ZNF800: variants seen among roughly 807,000 people sequenced by gnomAD.
The protein encoded by ZNF800 is zinc finger protein 800.
In ZNF800, 13 loss-of-function variants were observed where a neutral mutation model predicts 59.5. The observed-to-expected ratio is 0.22, with a 90% CI of 0.14 to 0.35. The LOEUF (loss-of-function observed/expected upper bound fraction) is 0.35, where lower values mean the gene tolerates loss of function less well. Among genes scored for constraint, ZNF800 ranks in the 10% least tolerant of loss-of-function variants. ZNF800 has a pLI of 1.00. For missense variants in ZNF800, 621 were observed against 783.7 expected, an observed-to-expected ratio of 0.79 and a Z score of 2.48; for synonymous variants, 266 against 265.7, an observed-to-expected ratio of 1.00 and a Z score of -0.01.
At chr7:127,344,497 C>T (rs1800023031), downstream of ZNF800, among the ~76,000 whole-genome samples, 1 of 151,960 alleles carries the variant, frequency 6.6e-6, no homozygotes, top group Non-Finnish European at 1.5e-5. Flanking sequence ...AATAGAATTT[C>T]TTTTGGAATG....
At chr7:127,387,513 G>C (rs752694116) in intron 2 of ZNF800, among the ~76,000 whole-genome samples, 3 of 152,202 alleles carry the variant, frequency 2.0e-5, no homozygotes, top group Non-Finnish European at 4.4e-5. Flanking sequence ...ACACAAACAA[G>C]AGGAATGATG....
chr7:127,386,532 G>C (rs188125443), intron 2 of ZNF800, among the ~76,000 whole-genome samples: 1 of 152,202 alleles, frequency 6.6e-6, no homozygotes, highest in South Asian at 2.1e-4. Context: ...GGCAATGGTG[G>C]CCTAGCCACG....
At chr7:127,378,436 A>C (rs540284171) in intron 3 of ZNF800, among the ~76,000 whole-genome samples, 38 of 152,184 alleles carry the variant, frequency 2.5e-4, no homozygotes, top group African/African-American at 9.1e-4. Context: ...TAAAATGACA[A>C]TATATTGACT....
At chr7:127,351,698 A>G (rs990259351) in intron 1 of ZNF800, among the ~76,000 whole-genome samples, 3 of 152,190 alleles carry the variant, frequency 2.0e-5, no homozygotes, top group African/African-American at 7.2e-5. Flanking sequence ...CTGAAATCCT[A>G]CATTTACCCA....
rs1801359346 is a variant in ZNF800 at position 127,392,288 on chromosome 7, G to C, written c.-287C>G. 2.6e-6 allele frequency: 1 copy of C among 390,424 alleles called. No individual in the cohort carries two copies. The highest frequency in any genetic ancestry group is 3.6e-5 in the East Asian group (1 of 27,512). 24.2% of individuals were successfully genotyped at this position (390,424 alleles called of 1,614,324 possible). ...TCCCTCCGCGGGCCGAGACGACTGC[G>C]GCGGCGGCTCACGGCGTCCTCCGCG... On this transcript the variant is annotated 5_prime_UTR_variant, in exon 1 of 6. Transcript: ENST00000265827.
chr7:127,349,567 A>T (rs945263129), intron 1 of ZNF800, among the ~76,000 whole-genome samples: 2 of 152,208 alleles, frequency 1.3e-5, no homozygotes, highest in African/African-American at 4.8e-5. Flanking sequence ...GCTTAAACAG[A>T]TGACATAAGT....
At chr7:127,354,988 A>C (rs1260621839) in intron 1 of ZNF800, among the ~76,000 whole-genome samples, 2 of 152,126 alleles carry the variant, frequency 1.3e-5, no homozygotes, top group Non-Finnish European at 1.5e-5. Context: ...CACCTTTTTG[A>C]CATATCCAAA....
rs557088479 is a variant in ZNF800, at chr7:127,373,938, T to G, written c.1398A>C (p.Ala466=). Reference sequence around the variant, plus strand: ...GTTTTCTGGTTTTTTGCTGGCCACCTGCAGCCGACGGACTAGTTGATTTAG... The same window carrying G: ...GTTTTCTGGTTTTTTGCTGGCCACCGGCAGCCGACGGACTAGTTGATTTAG... The part of the protein sequence containing the change: ...ESPKSTSPSA[A]GGQQKTRKPK... The change falls in exon 5 of 6, where the codon GCA becomes GCC. Residue 466 remains alanine, a synonymous_variant. Coordinates refer to ENST00000265827, the MANE Select transcript of ZNF800 (RefSeq NM_176814.5). 135 of 1,614,210 alleles carry G rather than the reference T, an allele frequency of 8.4e-5. No individual in the cohort carries two copies. In the African/African-American group the frequency reaches 1.2e-3, roughly 14 times the overall value.
At chr7:127,387,798 T>C (rs1005477756) in intron 2 of ZNF800, among the ~76,000 whole-genome samples, 13 of 151,782 alleles carry the variant, frequency 8.6e-5, no homozygotes, top group Non-Finnish European at 2.9e-5. Flanking sequence ...GAGGCAGAGG[T>C]TGCAGTGAGC....
chr7:127,374,713 T>G lies in ZNF800; in HGVS notation c.623A>C (p.Asp208Ala). Residue 208 changes from aspartate (D) to alanine (A), a missense_variant, in exon 5 of 6, where the codon GAT becomes GCT. Physicochemically the swap from Asp to Ala is moderately radical, Grantham distance 126 (BLOSUM62 -2). This residue lies in a region of ZNF800 where 218 missense variants were observed against 230.8 expected (regional missense o/e 0.94). Transcript: ENST00000265827. ...AGCCTGCGACTCCTGAGGTTGTTCA[T>G]CAGATGTAGGTGCAACTTCATCTGT... is the stretch of plus-strand genomic sequence containing the variant. ...IVTDEVAPTS[D>A]EQPQESQADL... 3.7e-6 allele frequency: 6 copies of G among 1,614,062 alleles called. No individual in the cohort carries two copies. The highest frequency in any genetic ancestry group is 5.1e-6 in the Non-Finnish European group (6 of 1,179,960).
intron 1 of ZNF800, among the ~76,000 whole-genome samples, chr7:127,348,880 AGTG>A (rs1800120542): frequency 6.6e-6 from 1 of 152,242 alleles, no homozygotes; most frequent in South Asian, 2.1e-4. Flanking sequence ...TGTGTAGCAA[AGTG>A]GTGGACATCA....
chr7:127,347,494 G>A (rs1800088538), exon 2 of ZNF800: 1 of 152,134 alleles, frequency 6.6e-6, no homozygotes, highest in Non-Finnish European at 1.5e-5. Flanking sequence ...AACTCACTAG[G>A]AATAGGAAAT....
chr7:127,383,530 G>A (rs1801034689), intron 3 of ZNF800, among the ~76,000 whole-genome samples: 1 of 152,130 alleles, frequency 6.6e-6, no homozygotes, highest in Non-Finnish European at 1.5e-5. Context: ...GGAGTAGAGT[G>A]GAATAGGAAG....
chr7:127,391,075 C>T (rs1476138886), intron 2 of ZNF800, among the ~76,000 whole-genome samples: 5 of 152,192 alleles, frequency 3.3e-5, no homozygotes, highest in Non-Finnish European at 7.4e-5. Context: ...CACTTTTAGA[C>T]TTTCAGAACT....
intron 5 of ZNF800, chr7:127,372,796 C>T: frequency 1.0e-6 from 1 of 985,292 alleles, no homozygotes; most frequent in Non-Finnish European, 1.2e-6. Context: ...AAATGCTAAT[C>T]ATTTTTAATT....
intron 2 of ZNF800, among the ~76,000 whole-genome samples, chr7:127,389,348 C>T (rs547414961): frequency 6.6e-6 from 1 of 152,242 alleles, no homozygotes; most frequent in African/African-American, 2.4e-5. Context: ...AAAATACATA[C>T]ACTGCCAGAG....
chr7:127,363,491 G>A (rs536945614), intron 1 of ZNF800: 3 of 151,972 alleles, frequency 2.0e-5, no homozygotes, highest in African/African-American at 7.2e-5. Flanking sequence ...CAGGTACTAT[G>A]CTAGATATGG....
chr7:127,371,958 CACA>C (rs1184955363), intron 5 of ZNF800, 144 bp from the exon 6 acceptor site: 12 of 586,406 alleles, frequency 2.0e-5, no homozygotes, highest in African/African-American at 1.3e-4. Context: ...ATAATCAAAC[CACA>C]ACATTTAACC....
Position 127,377,098 on chromosome 7 carries a change from C to G in ZNF800, c.301+88G>C. On this transcript the variant is annotated intron_variant, in intron 4 of 5. Coordinates refer to ENST00000265827, the MANE Select transcript of ZNF800 (RefSeq NM_176814.5). The surrounding 1 kb of genome is among the most constrained non-coding windows in gnomAD (Gnocchi z 4.7). ...GACATCATTATCAAATTATCAGTAACTAGATACAATTTTAATGCAAATGTA... is the reference window on the plus strand; with the variant it reads ...GACATCATTATCAAATTATCAGTAAGTAGATACAATTTTAATGCAAATGTA... 8.5e-7 allele frequency: 1 copy of G among 1,175,738 alleles called. No individual in the cohort carries two copies. The allele number at this position is 1,175,738 out of a possible 1,614,324, so 72.8% of individuals were successfully genotyped here.
Sources: gnomAD v4.1 joint callset for allele counts (sites outside exome capture counted in the v4.1 genomes callset) on GRCh38, gnomAD v4.1.1 for gene constraint, gnomAD v4.1.1 regional missense constraint, Gnocchi (gnomAD v3.1) non-coding constraint, MANE v1.5 for transcripts, NCBI Gene and HGNC (gene_info 2026-07-23, HGNC 2026-07-21) for gene names.